The following ARIH1 variants were observed in gnomAD, a reference collection of about 807,000 sequenced individuals.
ARIH1 encodes E3 ubiquitin-protein ligase ARIH1.
ARIH1 carries 8 observed loss-of-function variants against 85.0 expected under a neutral mutation model. The observed-to-expected ratio is 0.09, with a 90% CI of 0.06 to 0.17. The LOEUF is 0.17. Ranked by LOEUF, ARIH1 falls within the 10% of genes least tolerant of loss-of-function variation. The probability of loss-of-function intolerance (pLI) is 1.00; values close to 1 mark genes in which losing one functional copy is unlikely to be tolerated. For missense variants in ARIH1, 311 were observed against 718.1 expected (o/e 0.43, Z 6.48); for synonymous variants, 238 against 253.6 (o/e 0.94, Z 0.59).
intron 9 of ARIH1, 33 bp from the exon 10 acceptor site, chr15:72,570,144 C>T (rs770085623): frequency 4.2e-5 from 67 of 1,610,658 alleles, no homozygotes; most frequent in Non-Finnish European, 5.5e-5. Context: ...CCTAGTGTAG[C>T]ATTGACACCA....
chr15:72,522,732 A>G (rs2064005864), intron 2 of ARIH1, among the ~76,000 whole-genome samples: 2 of 152,224 alleles, frequency 1.3e-5, no homozygotes, highest in South Asian at 4.1e-4. Flanking sequence ...GACTGAGAAG[A>G]TATTTGCAAA....
rs2064355496 is a variant in ARIH1 at position 72,594,613 on chromosome 15, G to A, written c.*11321G>A. The stretch of plus-strand genomic sequence containing the variant: ...GGATTCTCATGCCTCAGCCACCCAA[G>A]TAGCTGGGACTTTATTCACGTGCCA... On this transcript the variant is annotated 3_prime_UTR_variant, in exon 14 of 14. Transcript: ENST00000379887. 6.6e-6 allele frequency: 1 copy of A among 152,082 alleles called. No individual in the cohort carries two copies. The highest frequency in any genetic ancestry group is 2.4e-5 in the African/African-American group (1 of 41,414). The allele number at this position is 152,082 out of a possible 1,614,324, so 9.4% of individuals were successfully genotyped here.
chr15:72,555,881 T>C lies in ARIH1; in HGVS notation c.711T>C (p.Asp237=), dbSNP rs2064172590. The stretch of plus-strand genomic sequence containing the variant: ...TTTCGTGTCCTGCTCATGGTTGTGA[T>C]ATCTTAGTGGATGACAACACAGTTA... ...QTISCPAHGC[D]ILVDDNTVMR... The change falls in exon 5 of 14, where the codon GAT becomes GAC. Residue 237 remains aspartate, a synonymous_variant. Transcript: ENST00000379887. 6.2e-7 allele frequency: 1 copy of C among 1,613,260 alleles called. No homozygotes were observed. Among genetic ancestry groups the C allele is most frequent in the African/African-American group, 1.3e-5 (1 of 74,936 alleles).
chr15:72,570,395 A>G lies in ARIH1; in HGVS notation c.1157+88A>G. ...ACATTTCTACCTCATAGATATCACC[A>G]TCTAACTTGCAAGCTAAATAAATAC... On this transcript the variant is annotated intron_variant, in intron 10 of 13. Transcript: ENST00000379887. 2.7e-6 allele frequency: 4 copies of G among 1,508,738 alleles called. No individual in the cohort carries two copies. In the Admixed American group the frequency reaches 5.6e-5, roughly 21 times the overall value. 93.5% of individuals were successfully genotyped at this position (1,508,738 alleles called of 1,614,324 possible).
rs927252208 is a variant in ARIH1, at chr15:72,592,628, G to A, written c.*9336G>A. ...TCTTGATTTTTATCACTAAAGATTT[G>A]TTGTACCTGCTTTTGGATTACATAT... On this transcript the variant is annotated 3_prime_UTR_variant, in exon 14 of 14. Transcript: ENST00000379887. 2.0e-5 allele frequency: 3 copies of A among 152,116 alleles called. No homozygotes were observed. The highest frequency in any genetic ancestry group is 4.4e-5 in the Non-Finnish European group (3 of 68,010). 9.4% of individuals were successfully genotyped at this position (152,116 alleles called of 1,614,324 possible). A position where few individuals can be genotyped will look rare whatever the true frequency, so the allele number is the denominator to read the frequency against.
chr15:72,487,634 A>C (rs1465563869), intron 1 of ARIH1, among the ~76,000 whole-genome samples: 4 of 146,802 alleles, frequency 2.7e-5, no homozygotes, highest in African/African-American at 1.0e-4. Context: ...TTTTTCCTTC[A>C]TTTTCCACAT....
chr15:72,507,177 C>T (rs1276046334), intron 1 of ARIH1, among the ~76,000 whole-genome samples: 4 of 152,132 alleles, frequency 2.6e-5, no homozygotes, highest in African/African-American at 4.8e-5. Context: ...CGCACACCAC[C>T]GTGCCCGGCT....
At chr15:72,557,679 G>T (rs1162844570) in intron 5 of ARIH1, among the ~76,000 whole-genome samples, 1 of 152,096 alleles carries the variant, frequency 6.6e-6, no homozygotes, top group Non-Finnish European at 1.5e-5. Context: ...TTTATAGATT[G>T]AGCTCTTACA....
At position 72,599,777 on chromosome 15, in the gene ARIH1, AAC is replaced by A. The variant is rs1052001327; in HGVS notation, c.*16487_*16488del. Reference sequence around the variant, plus strand: ...ATATGGATGTATCTTAGTTTATTTAAACAGTTACTGGTGATGGACATTTCCAT... The same window carrying A: ...ATATGGATGTATCTTAGTTTATTTAAAGTTACTGGTGATGGACATTTCCAT... On this transcript the variant is annotated 3_prime_UTR_variant, in exon 14 of 14. Coordinates refer to ENST00000379887, the MANE Select transcript of ARIH1 (RefSeq NM_005744.5). The A allele has an allele frequency of 6.6e-6, 1 of 152,188 alleles. No homozygotes were observed. The highest frequency in any genetic ancestry group is 2.4e-5 in the African/African-American group (1 of 41,438). The allele number at this position is 152,188 out of a possible 1,614,324, so 9.4% of individuals were successfully genotyped here.
chr15:72,507,600 G>A (rs1020799498), intron 1 of ARIH1, among the ~76,000 whole-genome samples: 1 of 152,178 alleles, frequency 6.6e-6, no homozygotes, highest in African/African-American at 2.4e-5. Flanking sequence ...TTGGGAGGCT[G>A]AAGCTGGAGG....
chr15:72,503,396 A>C (rs986475565), intron 1 of ARIH1, among the ~76,000 whole-genome samples: 1 of 152,090 alleles, frequency 6.6e-6, no homozygotes, highest in Non-Finnish European at 1.5e-5. Context: ...GACAGTGGCA[A>C]CTTCCTGATT....
chr15:72,600,232 C>T lies in ARIH1; in HGVS notation c.*16940C>T, dbSNP rs2064377746. The T allele has an allele frequency of 1.3e-5, 2 of 152,124 alleles. No homozygotes were observed. Among genetic ancestry groups the T allele is most frequent in the African/African-American group, 4.8e-5 (2 of 41,412 alleles). The allele number at this position is 152,124 out of a possible 1,614,324, so 9.4% of individuals were successfully genotyped here. A position where few individuals can be genotyped will look rare whatever the true frequency, so the allele number is the denominator to read the frequency against. ...CCCCCACCATAAAAATAGATAAATG[C>T]CATTTTTTTTGTATGCCCAGCACAG... is the stretch of plus-strand genomic sequence containing the variant. On this transcript the variant is annotated 3_prime_UTR_variant, in exon 14 of 14. Transcript: ENST00000379887.
At chr15:72,483,484 C>G (rs2140391968) in intron 1 of ARIH1, among the ~76,000 whole-genome samples, 1 of 152,320 alleles carries the variant, frequency 6.6e-6, no homozygotes, top group Middle Eastern at 3.4e-3. Flanking sequence ...GGGGATTATA[C>G]AAAGATGTGA....
chr15:72,528,680 C>G (rs545871078), intron 2 of ARIH1, among the ~76,000 whole-genome samples: 1 of 151,820 alleles, frequency 6.6e-6, no homozygotes, highest in Non-Finnish European at 1.5e-5. Context: ...ATAGGGAGAC[C>G]CCCATCTCTA....
chr15:72,488,904 A>G (rs1365441216), intron 1 of ARIH1, among the ~76,000 whole-genome samples: 1 of 152,202 alleles, frequency 6.6e-6, no homozygotes, highest in African/African-American at 2.4e-5. Flanking sequence ...ATTTGCGTAT[A>G]GTTCCCTGGC....
At chr15:72,522,707 G>A (rs2064005720) in intron 2 of ARIH1, among the ~76,000 whole-genome samples, 1 of 125,614 alleles carries the variant, frequency 8.0e-6, no homozygotes, top group Non-Finnish European at 1.8e-5. Flanking sequence ...TGAATTTTCT[G>A]GAAGATAAGC....
At chr15:72,542,376 G>A (rs1160608) in intron 2 of ARIH1, among the ~76,000 whole-genome samples, 28,444 of 152,056 alleles carry the variant, frequency 0.19, 4,831 homozygotes, top group African/African-American at 0.45. Context: ...CTTCCTCTTT[G>A]CATACTGAAC....
At chr15:72,484,374 A>G (rs72735151) in intron 1 of ARIH1, among the ~76,000 whole-genome samples, 7,053 of 151,884 alleles carry the variant, frequency 0.046, 280 homozygotes, top group Non-Finnish European at 0.067. Context: ...CATCTGAGCA[A>G]TATACACTGA....
intron 1 of ARIH1, among the ~76,000 whole-genome samples, chr15:72,498,643 A>G (rs1372091692): frequency 1.3e-5 from 2 of 152,248 alleles, no homozygotes; most frequent in South Asian, 4.2e-4. Flanking sequence ...CAGGAATTGG[A>G]GACCAGCCTG....
Sources: gnomAD v4.1 joint callset for allele counts (sites outside exome capture counted in the v4.1 genomes callset) on GRCh38, gnomAD v4.1.1 for gene constraint, MANE v1.5 for transcripts, NCBI Gene and HGNC (gene_info 2026-07-23, HGNC 2026-07-21) for gene names.